Variants in CCDC157 observed in about 807,000 individuals in gnomAD.
CCDC157 encodes the protein coiled-coil domain-containing protein 157.
In CCDC157, 60 loss-of-function variants were observed where a neutral mutation model predicts 70.9. That is an observed-to-expected ratio of 0.85 (90% CI 0.69 to 1.05). The LOEUF (loss-of-function observed/expected upper bound fraction) is 1.05, where lower values mean the gene tolerates loss of function less well. CCDC157 is among the 50% of genes least tolerant of loss of function. The probability of loss-of-function intolerance (pLI) is 0.00; values close to 1 mark genes in which losing one functional copy is unlikely to be tolerated. For synonymous variants in CCDC157, 373 were observed against 422.4 expected (o/e 0.88, Z 1.43); for missense variants, 943 against 984.2 (o/e 0.96, Z 0.56).
chr22:30,359,081 A>C (rs1348934728), intron 1 of CCDC157, among the ~76,000 whole-genome samples: 1 of 152,254 alleles, frequency 6.6e-6, no homozygotes, highest in Admixed American at 6.5e-5. Context: ...GAAGGTGAAC[A>C]GATCAGTGTT....
In CCDC157 at chr22:30,364,829, A is replaced by AC. The variant is rs777592573; in HGVS notation, c.-11-1159dup. ...GACACCATCTCAAAAAAAAAAAAAA[A>AC]CCAAAAAACATATATATAATGGCTT... On this transcript the variant is annotated intron_variant, in intron 2 of 11. Coordinates refer to ENST00000338306, the MANE Select transcript of CCDC157 (RefSeq NM_001017437.5). Among the ~76,000 whole-genome samples, 1,077 of 151,310 alleles carry AC rather than the reference A, an allele frequency of 7.1e-3. 13 individuals are homozygous for AC. The highest frequency in any genetic ancestry group is 0.021 in the Middle Eastern group (6 of 290).
chr22:30,363,780 C>T (rs949667057), intron 2 of CCDC157, among the ~76,000 whole-genome samples: 9 of 150,194 alleles, frequency 6.0e-5, no homozygotes, highest in Admixed American at 4.0e-4. Context: ...CCTCCACCTC[C>T]GGGATCAAGC....
intron 1 of CCDC157, among the ~76,000 whole-genome samples, chr22:30,361,539 G>A (rs1932350459): frequency 6.6e-6 from 1 of 152,018 alleles, no homozygotes; most frequent in African/African-American, 2.4e-5. Flanking sequence ...CATATTTTGG[G>A]GTAGCATTTC....
chr22:30,372,072 C>T lies in CCDC157; in HGVS notation c.1124-3C>T. 6.5e-7 allele frequency: 1 copy of T among 1,533,974 alleles called. No homozygotes were observed. The highest frequency in any genetic ancestry group is 8.8e-7 in the Non-Finnish European group (1 of 1,133,214). ...CCCATCCCATGTCCACTTAATGCTG[C>T]AGAGGCAAAGGCCCAGCAGCTGCAG... On this transcript the variant is annotated splice_region_variant and splice_polypyrimidine_tract_variant and intron_variant, in intron 6 of 11. Coordinates refer to ENST00000338306, the MANE Select transcript of CCDC157 (RefSeq NM_001017437.5).
chr22:30,370,809 G>A lies in CCDC157; in HGVS notation c.904G>A (p.Gly302Arg), dbSNP rs1300845374. 44 of 1,613,138 alleles carry A rather than the reference G, an allele frequency of 2.7e-5. No homozygotes were observed. The highest frequency in any genetic ancestry group is 3.7e-5 in the Non-Finnish European group (44 of 1,180,032). Residue 302 changes from glycine to arginine, a missense_variant, in exon 5 of 12, where the codon GGG (glycine) becomes AGG (arginine). Gly to Arg is a moderately radical substitution (Grantham distance 125). Transcript: ENST00000338306. ...ALRAQLEEAE[G>R]QKDGLRKQAG... is the part of the protein sequence containing the mutation. Reference sequence around the variant, plus strand: ...CAGGGCCCAGCTGGAGGAGGCTGAAGGGCAGAAGGATGGCCTGAGGAAGCA... The same window carrying A: ...CAGGGCCCAGCTGGAGGAGGCTGAAAGGCAGAAGGATGGCCTGAGGAAGCA...
At position 30,366,012 on chromosome 22, in the gene CCDC157, G is replaced by A. The variant is rs1193943856; in HGVS notation, c.12G>A (p.Leu4=). 1.9e-6 allele frequency: 3 copies of A among 1,597,076 alleles called. No homozygotes were observed. The highest frequency in any genetic ancestry group is 1.7e-4 in the Middle Eastern group (1 of 6,058). MAH[L]LGSQACMESL... is the part of the protein sequence containing the mutation. ...CAGGATCTGTGAGGATGGCGCACCT[G>A]CTGGGCAGCCAGGCCTGCATGGAGA... is the stretch of plus-strand genomic sequence containing the variant. The change falls in exon 3 of 12, where the codon CTG becomes CTA. Residue 4 remains leucine (L), a synonymous_variant. Transcript: ENST00000338306.
intron 10 of CCDC157, 142 bp downstream of exon 10, chr22:30,375,805 A>AC (rs752150004): frequency 2.3e-4 from 167 of 727,486 alleles, no homozygotes; most frequent in Middle Eastern, 7.8e-4. Context: ...AACATTTTTC[A>AC]CATTTCCAGA....
chr22:30,366,291 C>A (rs202240153), intron 3 of CCDC157, 43 bp downstream of exon 3: 18 of 1,606,626 alleles, frequency 1.1e-5, no homozygotes, highest in Non-Finnish European at 1.5e-5. Context: ...GATGCCAGCA[C>A]CTGCCCCTGA....
At chr22:30,375,767 C>G in intron 10 of CCDC157, 104 bp downstream of exon 10, 11 of 967,426 alleles carry the variant, frequency 1.1e-5, no homozygotes, top group South Asian at 1.7e-5. Context: ...CACCTCATCA[C>G]ATGAGGCCTT....
In CCDC157 at chr22:30,377,799, G is replaced by A. The variant is rs1198278547; in HGVS notation, c.*1054G>A. 3.7e-6 allele frequency: 1 copy of A among 268,136 alleles called. No homozygotes were observed. The allele number at this position is 268,136 out of a possible 1,614,324, so 16.6% of individuals were successfully genotyped here. On this transcript the variant is annotated 3_prime_UTR_variant, in exon 12 of 12. Transcript: ENST00000338306. ...CCTGAGCCAGAAGGCCTGTGCTCAAGTCCAGGGGAAGGACCTCACAGCTGA... is the reference window on the plus strand; with the variant it reads ...CCTGAGCCAGAAGGCCTGTGCTCAAATCCAGGGGAAGGACCTCACAGCTGA...
At position 30,377,818 on chromosome 22, in the gene CCDC157, C is replaced by A; in HGVS notation, c.*1073C>A. Reference sequence around the variant, plus strand: ...GCTCAAGTCCAGGGGAAGGACCTCACAGCTGAGTAGCTCTCTCAGGCGCCC... The same window carrying A: ...GCTCAAGTCCAGGGGAAGGACCTCAAAGCTGAGTAGCTCTCTCAGGCGCCC... On this transcript the variant is annotated 3_prime_UTR_variant, in exon 12 of 12. Coordinates refer to ENST00000338306, the MANE Select transcript of CCDC157 (RefSeq NM_001017437.5). The A allele has an allele frequency of 6.7e-6, 2 of 300,078 alleles. No homozygotes were observed. The highest frequency in any genetic ancestry group is 2.9e-5 in the South Asian group (1 of 34,796). The allele number at this position is 300,078 out of a possible 1,614,324, so 18.6% of individuals were successfully genotyped here.
At chr22:30,358,787 A>G (rs1482472512) in intron 1 of CCDC157, among the ~76,000 whole-genome samples, 1 of 152,202 alleles carries the variant, frequency 6.6e-6, no homozygotes, top group Non-Finnish European at 1.5e-5. Flanking sequence ...GCTGTCACCT[A>G]TGTGGTCATG....
At chr22:30,360,160 G>C (rs921108464) in intron 1 of CCDC157, among the ~76,000 whole-genome samples, 1 of 151,918 alleles carries the variant, frequency 6.6e-6, no homozygotes, top group Non-Finnish European at 1.5e-5. Flanking sequence ...ATAAATAAAT[G>C]AAATAAAATT....
Position 30,370,463 on chromosome 22 carries a change from G to T in CCDC157, c.558G>T (p.Glu186Asp), listed in dbSNP as rs777240506. The T allele has an allele frequency of 3.1e-6, 5 of 1,613,966 alleles. No homozygotes were observed. The highest frequency in any genetic ancestry group is 4.2e-6 in the Non-Finnish European group (5 of 1,180,040). The change falls in exon 5 of 12, where the codon GAG (glutamate) becomes GAT (aspartate). Residue 186 changes from glutamate to aspartate, a missense_variant. Transcript: ENST00000338306. ...PVLGLPQTCQ[E>D]PESIPVRASL... ...TAGGCTTGCCCCAGACCTGCCAAGA[G>T]CCAGAGAGCATCCCTGTCAGAGCCT...
chr22:30,356,958 C>G (rs1353075547), upstream of CCDC157: 4 of 532,852 alleles, frequency 7.5e-6, no homozygotes, highest in Non-Finnish European at 1.1e-5. Context: ...GTCCCCTCGC[C>G]GTGACGCGCT....
intron 10 of CCDC157, 136 bp from the exon 11 acceptor site, chr22:30,376,123 C>T: frequency 1.4e-6 from 1 of 735,770 alleles, no homozygotes; most frequent in South Asian, 1.8e-5. Context: ...CTTCCTAGGC[C>T]CTGCCCCTAG....
At chr22:30,360,398 T>C (rs1932249077) in intron 1 of CCDC157, among the ~76,000 whole-genome samples, 1 of 150,920 alleles carries the variant, frequency 6.6e-6, no homozygotes, top group Non-Finnish European at 1.5e-5. Flanking sequence ...CCAGCTACTC[T>C]GGAGGCTGAG....
intron 7 of CCDC157, 135 bp downstream of exon 7, chr22:30,372,421 C>A: frequency 8.1e-7 from 1 of 1,240,940 alleles, no homozygotes; most frequent in Non-Finnish European, 1.1e-6. Context: ...TGGGGGTTGA[C>A]TCACCTTTAC....
chr22:30,378,101 C>T lies in CCDC157; in HGVS notation c.*1356C>T. On this transcript the variant is annotated 3_prime_UTR_variant, in exon 12 of 12. Transcript: ENST00000338306. ...CTGTAAGCCAGGTCCTCTCACGGCT[C>T]CTAGAGGCCGTCCACCTTCCTTGCC... 8.5e-6 allele frequency: 4 copies of T among 471,094 alleles called. No individual in the cohort carries two copies. The highest frequency in any genetic ancestry group is 4.6e-5 in the South Asian group (3 of 64,574). The allele number at this position is 471,094 out of a possible 1,614,324, so 29.2% of individuals were successfully genotyped here. A position where few individuals can be genotyped will look rare whatever the true frequency, so the allele number is the denominator to read the frequency against.
Sources: allele counts gnomAD v4.1 joint callset (sites outside exome capture counted in the v4.1 genomes callset), GRCh38; gene constraint gnomAD v4.1.1; transcripts MANE v1.5; gene names NCBI Gene and HGNC (gene_info 2026-07-23, HGNC 2026-07-21).